ERG: variants seen among roughly 807,000 people sequenced by gnomAD.
ERG encodes the protein transcriptional regulator ERG.
A neutral mutation model predicts 55.3 loss-of-function variants in ERG; 9 were observed. The observed-to-expected ratio is 0.16, with a 90% confidence interval of 0.10 to 0.28. The LOEUF is 0.28. Among genes scored for constraint, ERG ranks in the 10% least tolerant of loss-of-function variants. The pLI is 1.00. For synonymous variants in ERG, 223 were observed against 237.3 expected (o/e 0.94, Z 0.55); for missense variants, 434 against 631.6 (o/e 0.69, Z 3.35).
chr21:38,612,288 C>G (rs1319969539), intron 1 of ERG, among the ~76,000 whole-genome samples: 3 of 152,068 alleles, frequency 2.0e-5, no homozygotes, highest in Non-Finnish European at 4.4e-5. Context: ...TTAATTTTAC[C>G]TTTCTTCTTT....
At chr21:38,400,336 G>T (rs375178395) in intron 6 of ERG, 10 of 624,618 alleles carry the variant, frequency 1.6e-5, no homozygotes, top group Admixed American at 6.3e-5. Flanking sequence ...TTGCCCATCT[G>T]TCTTTCTGAA....
intron 1 of ERG, among the ~76,000 whole-genome samples, chr21:38,638,122 T>TCCGATCTGGGTGCG (rs776003385): frequency 4.1e-4 from 62 of 152,300 alleles, no homozygotes; most frequent in Admixed American, 9.8e-4. Flanking sequence ...GTGAAACTCC[T>TCCGATCTGGGTGCG]CCGATCTGGG....
chr21:38,572,023 G>A (rs1437682150), intron 2 of ERG, among the ~76,000 whole-genome samples: 1 of 152,080 alleles, frequency 6.6e-6, no homozygotes, highest in Non-Finnish European at 1.5e-5. Flanking sequence ...CACTATATAT[G>A]TTAATACATC....
rs189727498 is a variant in ERG, at chr21:38,540,127, C to T, written c.-41+35535G>A. ...GCCAGGCTGGTCTCAAACTCCCGACCTCAAGTGATCCACCCATCTTGGCCT... is the reference window on the plus strand; with the variant it reads ...GCCAGGCTGGTCTCAAACTCCCGACTTCAAGTGATCCACCCATCTTGGCCT... On this transcript the variant is annotated intron_variant, in intron 2 of 8. Transcript: ENST00000398897. Among the ~76,000 whole-genome samples the T allele has an allele frequency of 4.0e-3, 605 of 152,116 alleles. 4 individuals carry two copies. Among genetic ancestry groups the T allele is most frequent in the African/African-American group, 0.014 (565 of 41,498 alleles).
rs543564289 is a variant in ERG, at chr21:38,554,878, T to TA, written c.-41+20783dup. Among the ~76,000 whole-genome samples the TA allele has an allele frequency of 1.8e-3, 275 of 151,532 alleles. 2 individuals carry two copies. The highest frequency in any genetic ancestry group is 0.01 in the Middle Eastern group (3 of 292). On this transcript the variant is annotated intron_variant, in intron 2 of 8. Coordinates refer to the ERG transcript ENST00000398897. ...AAATCCCTATCTCACATTATACATC[T>TA]AAAAAATCCAAATAGATTAGATTTA...
At chr21:38,550,946 C>T (rs1008952954) in intron 2 of ERG, among the ~76,000 whole-genome samples, 5 of 152,160 alleles carry the variant, frequency 3.3e-5, no homozygotes, top group African/African-American at 7.2e-5. Flanking sequence ...AACCTTTGTA[C>T]ACAAAAGAAT....
At chr21:38,436,644 T>A (rs1184306790) in intron 2 of ERG, among the ~76,000 whole-genome samples, 2 of 152,254 alleles carry the variant, frequency 1.3e-5, no homozygotes, top group Non-Finnish European at 2.9e-5. Context: ...ATCTCATAGA[T>A]GTTTGAGAAA....
At chr21:38,405,757 C>T (rs1426856847) in intron 3 of ERG, among the ~76,000 whole-genome samples, 2 of 152,120 alleles carry the variant, frequency 1.3e-5, no homozygotes. Flanking sequence ...TGGCTGAGTA[C>T]CTAGATACGG....
intron 2 of ERG, among the ~76,000 whole-genome samples, chr21:38,507,729 C>T (rs2059474529): frequency 6.6e-6 from 1 of 152,126 alleles, no homozygotes; most frequent in South Asian, 2.1e-4. Context: ...GGGACAGGCC[C>T]AGCCAGTTTC....
chr21:38,424,449 C>T (rs1377696026), intron 2 of ERG, among the ~76,000 whole-genome samples: 1 of 152,196 alleles, frequency 6.6e-6, no homozygotes, highest in African/African-American at 2.4e-5. Context: ...AGAACACGCA[C>T]AAGGGAGGCG....
At chr21:38,435,788 G>C (rs1469205330) in intron 2 of ERG, among the ~76,000 whole-genome samples, 2 of 152,122 alleles carry the variant, frequency 1.3e-5, no homozygotes, top group Non-Finnish European at 2.9e-5. Flanking sequence ...GCACCATTTT[G>C]GGATTCATCA....
intron 2 of ERG, among the ~76,000 whole-genome samples, chr21:38,444,625 G>A (rs1490500460): frequency 6.6e-6 from 1 of 151,648 alleles, no homozygotes; most frequent in African/African-American, 2.4e-5. Flanking sequence ...TCTGCATTTG[G>A]TAATACATTT....
intron 1 of ERG, among the ~76,000 whole-genome samples, chr21:38,608,373 G>A (rs73432180): frequency 0.072 from 10,890 of 152,240 alleles, 693 homozygotes; most frequent in African/African-American, 0.17. Flanking sequence ...GGATAAAGAT[G>A]AGCAAAGCTT....
chr21:38,658,637 T>C (rs2060533855), intron 1 of ERG, among the ~76,000 whole-genome samples: 2 of 152,242 alleles, frequency 1.3e-5, no homozygotes, highest in African/African-American at 2.4e-5. Context: ...CAATGTGAGA[T>C]GCATTTAAAA....
the ERG span, chr21:38,367,648 C>A: frequency 1.9e-6 from 1 of 515,782 alleles, no homozygotes; most frequent in Non-Finnish European, 3.8e-6. Context: ...TTGGGTCCAA[C>A]CTATACAAAA....
At chr21:38,477,855 G>A (rs1444996806) in intron 1 of ERG, among the ~76,000 whole-genome samples, 3 of 152,192 alleles carry the variant, frequency 2.0e-5, no homozygotes, top group Non-Finnish European at 4.4e-5. Context: ...TAATGTGACT[G>A]CAACTCAGAT....
At chr21:38,515,833 C>T (rs146552576) in intron 2 of ERG, among the ~76,000 whole-genome samples, 23 of 152,060 alleles carry the variant, frequency 1.5e-4, no homozygotes, top group African/African-American at 4.3e-4. Flanking sequence ...GTTCAACATA[C>T]ACAAATCAAT....
chr21:38,635,240 T>C (rs2060381041), intron 1 of ERG, among the ~76,000 whole-genome samples: 2 of 152,094 alleles, frequency 1.3e-5, no homozygotes, highest in East Asian at 1.9e-4. Flanking sequence ...CATAGACCCA[T>C]ACTGAATCCT....
In ERG at chr21:38,381,414, T is replaced by A; in HGVS notation, c.*1989A>T. On this transcript the variant is annotated 3_prime_UTR_variant, in exon 10 of 10. Transcript: ENST00000288319. ...CTCTAGATTATGGAAATAAACATTGTCTTCAAGGGATAGCCAGCAACATCA... is the reference window on the plus strand; with the variant it reads ...CTCTAGATTATGGAAATAAACATTGACTTCAAGGGATAGCCAGCAACATCA... The A allele has an allele frequency of 9.4e-7, 1 of 1,063,150 alleles. No individual in the cohort carries two copies. The highest frequency in any genetic ancestry group is 1.1e-6 in the Non-Finnish European group (1 of 877,956). 65.9% of individuals were successfully genotyped at this position (1,063,150 alleles called of 1,614,324 possible). A position where few individuals can be genotyped will look rare whatever the true frequency, so the allele number is the denominator to read the frequency against.
Sources: allele counts gnomAD v4.1 joint callset (sites outside exome capture counted in the v4.1 genomes callset), GRCh38; gene constraint gnomAD v4.1.1; transcripts MANE v1.5; gene names NCBI Gene and HGNC (gene_info 2026-07-23, HGNC 2026-07-21).